Variants in RBFOX1 observed in about 807,000 individuals in gnomAD.
RBFOX1 encodes RNA binding fox-1 homolog 1.
RBFOX1 carries 8 observed loss-of-function variants against 57.7 expected under a neutral mutation model. The observed-to-expected ratio is 0.14, with a 90% confidence interval of 0.08 to 0.25. The LOEUF is 0.25. Among genes scored for constraint, RBFOX1 ranks in the 10% least tolerant of loss-of-function variants. The pLI is 1.00. For missense variants in RBFOX1, 611 were observed against 548.5 expected, an observed-to-expected ratio of 1.11 and a Z score of -1.14; for synonymous variants, 326 against 222.4, an observed-to-expected ratio of 1.47 and a Z score of -4.15.
intron 2 of RBFOX1, among the ~76,000 whole-genome samples, chr16:6,386,136 C>T (rs919046131): frequency 3.3e-5 from 5 of 152,058 alleles, no homozygotes; most frequent in Admixed American, 2.6e-4. Flanking sequence ...GGGGTTTCAC[C>T]GTGTCACTCA....
At chr16:7,409,172 C>T (rs146460503) in intron 4 of RBFOX1, among the ~76,000 whole-genome samples, 19 of 152,294 alleles carry the variant, frequency 1.2e-4, no homozygotes, top group South Asian at 2.1e-4. Flanking sequence ...AGGACCTCTC[C>T]GTCTCAGGCT....
intron 4 of RBFOX1, among the ~76,000 whole-genome samples, chr16:5,934,914 A>G (rs1366018535): frequency 6.6e-6 from 1 of 152,222 alleles, no homozygotes; most frequent in Non-Finnish European, 1.5e-5. Flanking sequence ...TATTCAGCAC[A>G]GATTTAATGA....
At chr16:6,695,197 G>A (rs117388646) in intron 3 of RBFOX1, among the ~76,000 whole-genome samples, 8,677 of 151,996 alleles carry the variant, frequency 0.057, 656 homozygotes, top group East Asian at 0.4. Context: ...AGGCGGTTGG[G>A]TCGCCTGATG....
At position 6,087,509 on chromosome 16, in the gene RBFOX1, T is replaced by A. The variant is rs183361963; in HGVS notation, c.-127+67517T>A. The stretch of plus-strand genomic sequence containing the variant: ...CACATATTTGGAAATTTGGAATCAC[T>A]GTAACCTGCTTTGTCTTAAGATAGC... On this transcript the variant is annotated intron_variant, in intron 1 of 15. Coordinates refer to ENST00000550418, the MANE Select transcript of RBFOX1 (RefSeq NM_018723.4). Among the ~76,000 whole-genome samples, 33 of 152,334 alleles carry A rather than the reference T, an allele frequency of 2.2e-4. No homozygotes were observed. In the East Asian group the frequency reaches 6.2e-3, roughly 28 times the overall value.
chr16:5,712,809 A>G (rs1478963391), intron 3 of RBFOX1, among the ~76,000 whole-genome samples: 3 of 152,142 alleles, frequency 2.0e-5, no homozygotes, highest in Non-Finnish European at 2.9e-5. Context: ...CTAGTTTTTA[A>G]TGCTACTTCT....
intron 4 of RBFOX1, among the ~76,000 whole-genome samples, chr16:7,329,112 G>GT (rs1314138464): frequency 6.6e-6 from 1 of 152,210 alleles, no homozygotes; most frequent in East Asian, 1.9e-4. Context: ...ATTTTGAGCA[G>GT]TTGCAGCAGA....
intron 2 of RBFOX1, among the ~76,000 whole-genome samples, chr16:6,462,403 C>T (rs2094940857): frequency 6.6e-6 from 1 of 152,176 alleles, no homozygotes; most frequent in African/African-American, 2.4e-5. Context: ...TGGTTATTGT[C>T]CACACATGCC....
intron 3 of RBFOX1, among the ~76,000 whole-genome samples, chr16:7,019,225 G>C (rs1018368778): frequency 2.6e-5 from 4 of 152,008 alleles, no homozygotes; most frequent in Non-Finnish European, 2.9e-5. Context: ...AGGTGGTTTG[G>C]TGTGTTTGCC....
chr16:7,529,746 C>T (rs1035219083), intron 5 of RBFOX1, among the ~76,000 whole-genome samples: 13 of 152,206 alleles, frequency 8.5e-5, no homozygotes, highest in Non-Finnish European at 1.3e-4. Context: ...TGGTAGCTCA[C>T]GCATGTAATC....
intron 4 of RBFOX1, among the ~76,000 whole-genome samples, chr16:7,225,549 T>C (rs976709214): frequency 2.0e-5 from 3 of 151,912 alleles, no homozygotes; most frequent in Non-Finnish European, 4.4e-5. Context: ...TATGTCTTTA[T>C]TGCATCATGA....
At chr16:5,919,047 G>A (rs1345601201) in intron 4 of RBFOX1, among the ~76,000 whole-genome samples, 4 of 152,276 alleles carry the variant, frequency 2.6e-5, no homozygotes, top group Non-Finnish European at 2.9e-5. Context: ...ATATATCCAC[G>A]TCTTTCCCAG....
At chr16:6,318,950 C>T (rs543474928) in intron 2 of RBFOX1, among the ~76,000 whole-genome samples, 1 of 151,798 alleles carries the variant, frequency 6.6e-6, no homozygotes. Context: ...CAGCAAACCT[C>T]AATCCCCTTC....
intron 4 of RBFOX1, among the ~76,000 whole-genome samples, chr16:7,263,134 C>T (rs942331713): frequency 1.3e-5 from 2 of 152,152 alleles, no homozygotes; most frequent in Non-Finnish European, 2.9e-5. Flanking sequence ...AAATTAAATG[C>T]TATTGTGCAT....
intron 14 of RBFOX1, chr16:7,693,415 C>CTTTTTT: frequency 1.0e-6 from 1 of 973,510 alleles, no homozygotes; most frequent in Non-Finnish European, 1.4e-6. Flanking sequence ...GTCTCAGTAT[C>CTTTTTT]CTTTTTTTTT....
chr16:6,908,603 G>A (rs144987558), intron 3 of RBFOX1, among the ~76,000 whole-genome samples: 2 of 152,148 alleles, frequency 1.3e-5, no homozygotes, highest in African/African-American at 4.8e-5. Context: ...CTGAACCCCC[G>A]TGATTTAGGT....
intron 4 of RBFOX1, among the ~76,000 whole-genome samples, chr16:7,497,624 A>G (rs1600045915): frequency 1.3e-5 from 2 of 152,364 alleles, no homozygotes; most frequent in African/African-American, 4.8e-5. Flanking sequence ...GGGACCAGAC[A>G]CAGTGGATAA....
chr16:7,301,764 G>C (rs1052033192), intron 4 of RBFOX1, among the ~76,000 whole-genome samples: 1 of 152,132 alleles, frequency 6.6e-6, no homozygotes, highest in African/African-American at 2.4e-5. Context: ...ATAAAGGAAA[G>C]CAGTGCGAAC....
chr16:5,719,133 G>T (rs1369561536), intron 3 of RBFOX1, among the ~76,000 whole-genome samples: 1 of 151,576 alleles, frequency 6.6e-6, no homozygotes, highest in Non-Finnish European at 1.5e-5. Context: ...TCCATTAAAC[G>T]CATATAACCC....
intron 4 of RBFOX1, among the ~76,000 whole-genome samples, chr16:7,170,111 C>T (rs924067432): frequency 6.6e-6 from 1 of 152,072 alleles, no homozygotes; most frequent in African/African-American, 2.4e-5. Flanking sequence ...TTGGTGTATG[C>T]ATGCTGGGTA....
Sources: gnomAD v4.1 joint callset for allele counts (sites outside exome capture counted in the v4.1 genomes callset) on GRCh38, gnomAD v4.1.1 for gene constraint, MANE v1.5 for transcripts, NCBI Gene and HGNC (gene_info 2026-07-23, HGNC 2026-07-21) for gene names.